Variants in DCC observed in about 807,000 individuals in gnomAD.
DCC encodes netrin receptor DCC.
In DCC, 58 loss-of-function variants were observed where a neutral mutation model predicts 172.5. The observed-to-expected ratio is 0.34, with a 90% CI of 0.27 to 0.42. The LOEUF is 0.42. Ranked by LOEUF, DCC falls within the 10% of genes least tolerant of loss-of-function variation. The pLI, the probability that DCC is intolerant of heterozygous loss-of-function variation, is 1.00. For synonymous variants in DCC, 709 were observed against 644.5 expected (o/e 1.10, Z -1.52); for missense variants, 1,740 against 1,791.0 (o/e 0.97, Z 0.51).
intron 12 of DCC, among the ~76,000 whole-genome samples, chr18:53,274,918 G>C (rs141349381): frequency 6.6e-6 from 1 of 152,038 alleles, no homozygotes; most frequent in Admixed American, 6.6e-5. Flanking sequence ...ATTACAGTAC[G>C]GGGAAGCACT....
At chr18:52,593,313 G>A (rs1390306019) in intron 1 of DCC, among the ~76,000 whole-genome samples, 2 of 152,056 alleles carry the variant, frequency 1.3e-5, no homozygotes, top group East Asian at 3.9e-4. Context: ...TTATTCACGT[G>A]GTGTGATCTG....
At chr18:53,222,622 G>A (rs972319813) in intron 12 of DCC, among the ~76,000 whole-genome samples, 5 of 151,560 alleles carry the variant, frequency 3.3e-5, no homozygotes, top group East Asian at 3.9e-4. Flanking sequence ...TCCTGACCTC[G>A]TGATCTGCCC....
chr18:53,017,636 AT>A (rs2041827708), intron 5 of DCC, among the ~76,000 whole-genome samples: 1 of 152,190 alleles, frequency 6.6e-6, no homozygotes, highest in Non-Finnish European at 1.5e-5. Context: ...CCATAAAGTT[AT>A]GGGGAAATGA....
chr18:53,280,798 T>C (rs12709769), intron 12 of DCC, among the ~76,000 whole-genome samples: 14,474 of 152,050 alleles, frequency 0.095, 754 homozygotes, highest in Middle Eastern at 0.18. Context: ...CCCGAAAAGG[T>C]TGGACTAGAT....
At chr18:53,305,837 A>G in intron 13 of DCC, 118 bp downstream of exon 13, 1 of 1,017,204 alleles carries the variant, frequency 9.8e-7, no homozygotes, top group Non-Finnish European at 1.6e-6. Flanking sequence ...GGCAGGTGAC[A>G]TCTATTGGCT....
chr18:52,900,581 C>T (rs2039795688), intron 2 of DCC, among the ~76,000 whole-genome samples: 1 of 152,200 alleles, frequency 6.6e-6, no homozygotes, highest in Non-Finnish European at 1.5e-5. Context: ...TTAAAACTGT[C>T]TTTATCATTT....
chr18:53,231,710 C>A (rs2056123918), intron 12 of DCC, among the ~76,000 whole-genome samples: 1 of 152,046 alleles, frequency 6.6e-6, no homozygotes, highest in Admixed American at 6.6e-5. Flanking sequence ...GTGGGTGTTA[C>A]ACAAATTCTA....
At chr18:53,318,501 C>A (rs1370794788) in intron 13 of DCC, among the ~76,000 whole-genome samples, 1 of 152,104 alleles carries the variant, frequency 6.6e-6, no homozygotes, top group Non-Finnish European at 1.5e-5. Flanking sequence ...GTTAGGTCCT[C>A]TTGGTCCAGA....
chr18:52,930,517 T>C (rs1034931069), intron 5 of DCC, among the ~76,000 whole-genome samples: 1 of 152,142 alleles, frequency 6.6e-6, no homozygotes, highest in Non-Finnish European at 1.5e-5. Context: ...ATCCCAGAAA[T>C]ACTTAAACCC....
At chr18:52,408,826 G>T (rs950552542) in intron 1 of DCC, among the ~76,000 whole-genome samples, 2 of 152,032 alleles carry the variant, frequency 1.3e-5, no homozygotes, top group Non-Finnish European at 2.9e-5. Context: ...TAAACTATCT[G>T]TAAGGAATCT....
intron 11 of DCC, 104 bp downstream of exon 11, chr18:53,207,921 G>A: frequency 9.0e-7 from 1 of 1,105,910 alleles, no homozygotes; most frequent in South Asian, 1.3e-5. Flanking sequence ...AAGGCTTCCT[G>A]ACTAAAATTT....
At chr18:52,430,007 G>T (rs1022298683) in intron 1 of DCC, among the ~76,000 whole-genome samples, 5 of 152,074 alleles carry the variant, frequency 3.3e-5, no homozygotes, top group Admixed American at 2.6e-4. Context: ...AAAGATACAA[G>T]CTGTACAGAG....
At chr18:53,418,986 A>G (rs1039365976) in intron 21 of DCC, among the ~76,000 whole-genome samples, 1 of 152,130 alleles carries the variant, frequency 6.6e-6, no homozygotes, top group Non-Finnish European at 1.5e-5. Context: ...TATCCTAATT[A>G]TTTCTGTAGA....
At chr18:52,557,289 C>A (rs2032938733) in intron 1 of DCC, among the ~76,000 whole-genome samples, 1 of 152,128 alleles carries the variant, frequency 6.6e-6, no homozygotes, top group Non-Finnish European at 1.5e-5. Context: ...TGTTGCGTCC[C>A]ATTATGCATT....
At position 53,459,288 on chromosome 18, in the gene DCC, C is replaced by A; in HGVS notation, c.3449C>A (p.Pro1150His). The change falls in exon 24 of 29, where the codon CCC becomes CAC. Residue 1150 changes from proline to histidine, a missense_variant. By Grantham distance (77) the Pro-to-His change is moderately conservative. Transcript: ENST00000442544. ...KRKGSQKDLR[P>H]PDLWIHHEEM... ...AAGGGCAGCCAGAAGGACCTCCGAC[C>A]CCCTGATCTTTGGATCCATCATGAA... is the stretch of plus-strand genomic sequence containing the variant. 1 of 1,614,088 alleles carries A rather than the reference C, an allele frequency of 6.2e-7. No homozygotes were observed. Among genetic ancestry groups the A allele is most frequent in the Non-Finnish European group, 8.5e-7 (1 of 1,180,012 alleles).
chr18:53,459,375 C>G lies in DCC; in HGVS notation c.3536C>G (p.Pro1179Arg), dbSNP rs1020425095. Residue 1179 changes from proline (P) to arginine (R), a missense_variant, in exon 24 of 29, where the codon CCC (proline) becomes CGC (arginine). Pro to Arg is a moderately radical substitution (Grantham distance 103, BLOSUM62 -2). Transcript: ENST00000442544. ...ACTGACCCTGCAGGAAGGGACTCTC[C>G]CATCCAAAGTTGCCAAGACCTCACA... ...SGTDPAGRDS[P>R]IQSCQDLTPV... The G allele has an allele frequency of 4.3e-6, 7 of 1,613,862 alleles. No individual in the cohort carries two copies. Among genetic ancestry groups the G allele is most frequent in the Middle Eastern group, 1.6e-4 (1 of 6,084 alleles).
At chr18:53,351,713 T>C (rs1244336221) in intron 15 of DCC, among the ~76,000 whole-genome samples, 1 of 151,486 alleles carries the variant, frequency 6.6e-6, no homozygotes, top group African/African-American at 2.4e-5. Flanking sequence ...AATAATTTTC[T>C]TCATCATCTC....
intron 7 of DCC, among the ~76,000 whole-genome samples, chr18:53,081,892 GT>G (rs2042811729): frequency 6.6e-6 from 1 of 151,998 alleles, no homozygotes; most frequent in African/African-American, 2.4e-5. Flanking sequence ...GGAAATTTGG[GT>G]GTGGGAATTG....
At chr18:52,486,276 G>T (rs1408135251) in intron 1 of DCC, among the ~76,000 whole-genome samples, 2 of 152,088 alleles carry the variant, frequency 1.3e-5, no homozygotes, top group African/African-American at 4.8e-5. Context: ...ACCCTGGCCA[G>T]CGTTTAGAAA....
Sources: gnomAD v4.1 joint callset for allele counts (sites outside exome capture counted in the v4.1 genomes callset) on GRCh38, gnomAD v4.1.1 for gene constraint, MANE v1.5 for transcripts, NCBI Gene and HGNC (gene_info 2026-07-23, HGNC 2026-07-21) for gene names.